SGK2: variants seen among roughly 807,000 people sequenced by gnomAD.
SGK2 encodes the protein serine/threonine-protein kinase Sgk2.
In SGK2, 36 loss-of-function variants were observed where a neutral mutation model predicts 47.5. That is an observed-to-expected ratio of 0.76 (90% CI 0.58 to 1.00). SGK2 has a LOEUF of 1.00. Ranked by LOEUF, SGK2 falls within the 50% of genes least tolerant of loss-of-function variation. SGK2 has a pLI of 0.00. For synonymous variants in SGK2, 157 were observed against 181.9 expected (o/e 0.86, Z 1.10); for missense variants, 404 against 467.4 (o/e 0.86, Z 1.25).
At chr20:43,578,000 G>T (rs1360283228) in intron 11 of SGK2, among the ~76,000 whole-genome samples, 1 of 152,036 alleles carries the variant, frequency 6.6e-6, no homozygotes, top group African/African-American at 2.4e-5. Flanking sequence ...CCCCAGGCTG[G>T]GCAAATGGGA....
chr20:43,574,466 C>T (rs1227778478), intron 9 of SGK2, among the ~76,000 whole-genome samples: 1 of 152,226 alleles, frequency 6.6e-6, no homozygotes, highest in African/African-American at 2.4e-5. Context: ...CTTCCGTTCC[C>T]AGGACACGGA....
intron 1 of SGK2, chr20:43,566,241 A>T (rs1435687507): frequency 1.7e-6 from 2 of 1,195,686 alleles, no homozygotes; most frequent in Non-Finnish European, 1.2e-6. Flanking sequence ...CCACACCCTG[A>T]CCATCCCCCT....
rs771931070 is a variant in SGK2, at chr20:43,584,936, G to A, written c.1024G>A (p.Val342Met). 5 of 1,614,172 alleles carry A rather than the reference G, an allele frequency of 3.1e-6. No individual in the cohort carries two copies. The South Asian group carries it at 3.3e-5, about 11-fold the overall frequency. The part of the protein sequence containing the change: ...SKSIGCTPDT[V>M]ASSSGASSAF... ...GTCCATTGGCTGTACCCCTGACACT[G>A]TGGCCAGCAGCTCTGGGGCCTCAAG... The change falls in exon 13 of 13, where the codon GTG (valine) becomes ATG (methionine). Residue 342 changes from valine (V) to methionine (M), a missense_variant. By Grantham distance (21) the Val-to-Met change is conservative. Transcript: ENST00000373100.
chr20:43,578,416 G>A (rs1024651908), intron 11 of SGK2, among the ~76,000 whole-genome samples: 2 of 152,072 alleles, frequency 1.3e-5, no homozygotes, highest in Non-Finnish European at 2.9e-5. Context: ...ACCTGGGGGT[G>A]GGTGGAGGTT....
At chr20:43,564,188 G>A (rs1021250812) in intron 1 of SGK2, among the ~76,000 whole-genome samples, 3 of 152,254 alleles carry the variant, frequency 2.0e-5, no homozygotes, top group South Asian at 2.1e-4. Context: ...CTCTGGGACC[G>A]TTTCTTACGC....
intron 9 of SGK2, among the ~76,000 whole-genome samples, chr20:43,573,051 G>A (rs890948022): frequency 2.6e-5 from 4 of 152,206 alleles, no homozygotes; most frequent in African/African-American, 7.2e-5. Context: ...TGAGTGTTAA[G>A]ACCTGGGCTG....
chr20:43,581,029 C>A (rs1601001609), intron 12 of SGK2, among the ~76,000 whole-genome samples: 2 of 151,986 alleles, frequency 1.3e-5, no homozygotes, highest in Admixed American at 6.6e-5. Context: ...GCGCCCACCA[C>A]CATGCCCGGC....
intron 12 of SGK2, chr20:43,583,468 G>A (rs1980918440): frequency 9.3e-6 from 11 of 1,176,582 alleles, no homozygotes; most frequent in Non-Finnish European, 9.6e-6. Flanking sequence ...TGCTGGGCTG[G>A]GACTACCTTG....
chr20:43,573,157 T>C (rs562988109), intron 9 of SGK2, among the ~76,000 whole-genome samples: 80 of 152,346 alleles, frequency 5.3e-4, no homozygotes, highest in Middle Eastern at 6.8e-3. Flanking sequence ...GACATGTCTA[T>C]ATGTCCTGCC....
At chr20:43,576,874 G>A (rs1326277469) in intron 11 of SGK2, among the ~76,000 whole-genome samples, 1 of 152,212 alleles carries the variant, frequency 6.6e-6, no homozygotes, top group Non-Finnish European at 1.5e-5. Context: ...CCTGGGAGGC[G>A]GAGGTTGCAG....
At chr20:43,580,354 G>A (rs1200506290) in intron 12 of SGK2, among the ~76,000 whole-genome samples, 4 of 152,188 alleles carry the variant, frequency 2.6e-5, no homozygotes, top group African/African-American at 4.8e-5. Context: ...ATAGGGCCAA[G>A]CCCTTTAGAG....
chr20:43,565,677 C>G (rs1392994356), intron 1 of SGK2: 1 of 152,254 alleles, frequency 6.6e-6, no homozygotes, highest in African/African-American at 2.4e-5. Context: ...GATCTCTGCT[C>G]TCAGCCTTTG....
At chr20:43,570,030 G>A (rs929041369) in intron 6 of SGK2, among the ~76,000 whole-genome samples, 2 of 152,140 alleles carry the variant, frequency 1.3e-5, no homozygotes, top group African/African-American at 2.4e-5. Flanking sequence ...TTTAACCTGC[G>A]TGATCTCTTG....
In SGK2 at chr20:43,574,895, T is replaced by C. The variant is rs1980369506; in HGVS notation, c.598-14T>C. Reference sequence around the variant, plus strand: ...TAACGACTTATTTCAAATAAGTGTGTTTCCTTCTAACAGTACTTGGCACCT... The same window carrying C: ...TAACGACTTATTTCAAATAAGTGTGCTTCCTTCTAACAGTACTTGGCACCT... On this transcript the variant is annotated splice_polypyrimidine_tract_variant and intron_variant, in intron 9 of 12. Coordinates refer to ENST00000373100, the MANE Select transcript of SGK2 (RefSeq NM_170693.3). 6.2e-7 allele frequency: 1 copy of C among 1,605,820 alleles called. No individual in the cohort carries two copies. The highest frequency in any genetic ancestry group is 8.5e-7 in the Non-Finnish European group (1 of 1,172,856).
intron 11 of SGK2, among the ~76,000 whole-genome samples, chr20:43,577,156 G>T (rs1980510367): frequency 6.6e-6 from 1 of 152,102 alleles, no homozygotes; most frequent in Non-Finnish European, 1.5e-5. Context: ...ATGAGAAAGA[G>T]GCAGCCATGA....
intron 4 of SGK2, 80 bp downstream of exon 4, chr20:43,567,802 T>G: frequency 6.4e-7 from 1 of 1,563,790 alleles, no homozygotes; most frequent in African/African-American, 1.4e-5. Flanking sequence ...CTTGTATGTA[T>G]GAAGAGAGAG....
intron 3 of SGK2, among the ~76,000 whole-genome samples, chr20:43,567,401 C>A (rs1979798449): frequency 6.6e-6 from 1 of 152,176 alleles, no homozygotes; most frequent in Non-Finnish European, 1.5e-5. Flanking sequence ...TCTATGCAGG[C>A]CTTCTGTGCA....
chr20:43,559,514 T>C (rs539325391), intron 1 of SGK2, among the ~76,000 whole-genome samples: 2 of 152,328 alleles, frequency 1.3e-5, no homozygotes, highest in African/African-American at 4.8e-5. Context: ...TTATTAACTG[T>C]CTTGATCATG....
Position 43,572,176 on chromosome 20 carries a change from G to T in SGK2, c.597+39G>T. The stretch of plus-strand genomic sequence containing the variant: ...TCCCAGGAGAGGGGAGGTCATGAGT[G>T]GGTGAGGCCACAGCTCCTGATTAGA... On this transcript the variant is annotated intron_variant, in intron 9 of 12. Coordinates refer to ENST00000373100, the MANE Select transcript of SGK2 (RefSeq NM_170693.3). This position sits in a 1 kb window ranked among gnomAD's most constrained non-coding sequence, Gnocchi z 4.2. 6.9e-7 allele frequency: 1 copy of T among 1,444,086 alleles called. No homozygotes were observed. The highest frequency in any genetic ancestry group is 1.2e-5 in the South Asian group (1 of 81,880). The allele number at this position is 1,444,086 out of a possible 1,614,324, so 89.5% of individuals were successfully genotyped here. A position where few individuals can be genotyped will look rare whatever the true frequency, so the allele number is the denominator to read the frequency against.
Sources: gnomAD v4.1 joint callset for allele counts (sites outside exome capture counted in the v4.1 genomes callset) on GRCh38, gnomAD v4.1.1 for gene constraint, Gnocchi (gnomAD v3.1) non-coding constraint, MANE v1.5 for transcripts, NCBI Gene and HGNC (gene_info 2026-07-23, HGNC 2026-07-21) for gene names.